The following TTC33 variants were observed in gnomAD, a reference collection of about 807,000 sequenced individuals.
The protein encoded by TTC33 is tetratricopeptide repeat protein 33.
Under a neutral mutation model 29.4 loss-of-function variants are expected in TTC33, and 24 were observed. The observed-to-expected ratio is 0.82, with a 90% CI of 0.59 to 1.15. The LOEUF is 1.15. TTC33 is among the 50% of genes most tolerant of loss of function. TTC33 has a pLI of 0.00. For synonymous variants in TTC33, 107 were observed against 100.3 expected (o/e 1.07, Z -0.40); for missense variants, 286 against 310.4 (o/e 0.92, Z 0.59).
At chr5:40,718,686 C>T (rs7726270) in intron 4 of TTC33, among the ~76,000 whole-genome samples, 48,617 of 151,614 alleles carry the variant, frequency 0.32, 8,246 homozygotes, top group East Asian at 0.56. Context: ...TGCAGTGAGC[C>T]GAGATTGCAC....
At chr5:40,724,540 C>T (rs1054951244) in intron 4 of TTC33, among the ~76,000 whole-genome samples, 2 of 151,490 alleles carry the variant, frequency 1.3e-5, no homozygotes, top group African/African-American at 2.4e-5. Context: ...GGCTGAGGAA[C>T]GAGAATGGCT....
chr5:40,747,121 C>G, intron 1 of TTC33, 102 bp from the exon 2 acceptor site: 1 of 1,018,188 alleles, frequency 9.8e-7, no homozygotes, highest in South Asian at 1.7e-5. Flanking sequence ...TACGATGGCA[C>G]GACCTCGGCT....
intron 4 of TTC33, among the ~76,000 whole-genome samples, chr5:40,716,838 C>CA (rs1399274683): frequency 7.9e-5 from 12 of 152,226 alleles, no homozygotes; most frequent in African/African-American, 2.9e-4. Flanking sequence ...CCCACAATCA[C>CA]AAAGGTACCA....
chr5:40,736,416 A>G (rs898466576), intron 2 of TTC33, among the ~76,000 whole-genome samples: 1 of 152,252 alleles, frequency 6.6e-6, no homozygotes, highest in African/African-American at 2.4e-5. Flanking sequence ...TTCCTGCTTC[A>G]TACACATACA....
intron 2 of TTC33, among the ~76,000 whole-genome samples, chr5:40,738,572 A>AAAATAAAATAAAATAAAAT (rs1561151452): frequency 1.3e-5 from 1 of 76,710 alleles, no homozygotes; most frequent in African/African-American, 5.4e-5. Context: ...TAAAATATAA[A>AAAATAAAATAAAATAAAAT]ATAAAATAAA....
In TTC33 at chr5:40,747,009, A is replaced by T. The variant is rs1554028600; in HGVS notation, c.10T>A (p.Phe4Ile). ...TCACCAATTTTCCTCTTCCACCCAA[A>T]GGAAGCCATTCTGGAAAATTACAAA... is the stretch of plus-strand genomic sequence containing the variant. MAS[F>I]GWKRKIGEKV... Residue 4 changes from phenylalanine (F) to isoleucine (I), a missense_variant, in exon 2 of 5, where the codon TTT (phenylalanine) becomes ATT (isoleucine). By Grantham distance (21) the Phe-to-Ile change is conservative. Coordinates refer to ENST00000337702, the MANE Select transcript of TTC33 (RefSeq NM_012382.3). 6.2e-7 allele frequency: 1 copy of T among 1,607,958 alleles called. No individual in the cohort carries two copies. The highest frequency in any genetic ancestry group is 8.5e-7 in the Non-Finnish European group (1 of 1,178,412).
chr5:40,736,117 A>G (rs1742544627), intron 2 of TTC33, among the ~76,000 whole-genome samples: 1 of 152,218 alleles, frequency 6.6e-6, no homozygotes, highest in African/African-American at 2.4e-5. Context: ...GATGGGGTCT[A>G]GAGTACAAGT....
At chr5:40,725,131 A>G (rs1190300922) in intron 4 of TTC33, among the ~76,000 whole-genome samples, 2 of 151,136 alleles carry the variant, frequency 1.3e-5, no homozygotes, top group Admixed American at 1.3e-4. Flanking sequence ...TACAGGCATG[A>G]GCCACCATGC....
At position 40,749,549 on chromosome 5, in the gene TTC33, G is replaced by C. The variant is rs187723518; in HGVS notation, c.-1-2530C>G. ...GGGCACTGTGGGAGTATGGGAGGGA[G>C]AGAAATGAAATACTGCATAAGTTCG... On this transcript the variant is annotated intron_variant, in intron 1 of 4. Transcript: ENST00000337702. Among the ~76,000 whole-genome samples the C allele has an allele frequency of 8.2e-4, 125 of 152,280 alleles. 2 individuals carry two copies. The highest frequency in any genetic ancestry group is 1.8e-3 in the African/African-American group (74 of 41,546).
intron 1 of TTC33, among the ~76,000 whole-genome samples, chr5:40,752,248 T>C (rs1453157731): frequency 6.6e-6 from 1 of 152,216 alleles, no homozygotes; most frequent in Admixed American, 6.5e-5. Context: ...ATCTAGACCA[T>C]TCAAAGCTTC....
At position 40,748,947 on chromosome 5, in the gene TTC33, C is replaced by A. The variant is rs1045433676; in HGVS notation, c.-1-1928G>T. On this transcript the variant is annotated intron_variant, in intron 1 of 4. Coordinates refer to ENST00000337702, the MANE Select transcript of TTC33 (RefSeq NM_012382.3). Reference sequence around the variant, plus strand: ...GTCAGGAGTTTAAGACCAGCCTGGCCAAACCCCATCTCTACTAAAAATACA... The same window carrying A: ...GTCAGGAGTTTAAGACCAGCCTGGCAAAACCCCATCTCTACTAAAAATACA... Among the ~76,000 whole-genome samples the A allele has an allele frequency of 2.4e-4, 37 of 151,744 alleles. 1 individual carries two copies. The highest frequency in any genetic ancestry group is 8.9e-4 in the African/African-American group (37 of 41,352).
chr5:40,741,696 T>G (rs1472566100), intron 2 of TTC33, among the ~76,000 whole-genome samples: 2 of 152,068 alleles, frequency 1.3e-5, no homozygotes, highest in African/African-American at 4.8e-5. Flanking sequence ...AGGTAGAAAT[T>G]AAGGGAGCTC....
At chr5:40,738,371 T>G (rs891170274) in intron 2 of TTC33, among the ~76,000 whole-genome samples, 1 of 151,160 alleles carries the variant, frequency 6.6e-6, no homozygotes, top group Non-Finnish European at 1.5e-5. Flanking sequence ...GCTGAGATCA[T>G]GCCACTGCAG....
intron 2 of TTC33, among the ~76,000 whole-genome samples, chr5:40,738,499 C>CAATACAATAA (rs1561151183): frequency 2.5e-5 from 2 of 80,856 alleles, no homozygotes; most frequent in African/African-American, 4.9e-5. Context: ...CAATACAATA[C>CAATACAATAA]AATACAATAA....
intron 2 of TTC33, among the ~76,000 whole-genome samples, chr5:40,738,730 T>A (rs1742628423): frequency 6.6e-6 from 1 of 152,150 alleles, no homozygotes; most frequent in Non-Finnish European, 1.5e-5. Flanking sequence ...ATCTTTTCAA[T>A]GTTAGCATTC....
At chr5:40,721,769 C>T (rs1017131764) in intron 4 of TTC33, among the ~76,000 whole-genome samples, 1 of 151,986 alleles carries the variant, frequency 6.6e-6, no homozygotes, top group Non-Finnish European at 1.5e-5. Context: ...ACACCAAAAA[C>T]ATAGGCAACA....
chr5:40,755,014 A>T (rs370808407), intron 1 of TTC33, among the ~76,000 whole-genome samples: 1 of 152,158 alleles, frequency 6.6e-6, no homozygotes, highest in African/African-American at 2.4e-5. Flanking sequence ...ATGAGAGTAA[A>T]CCACAATCCA....
At chr5:40,725,314 A>G (rs1461966237) in intron 4 of TTC33, among the ~76,000 whole-genome samples, 1 of 152,040 alleles carries the variant, frequency 6.6e-6, no homozygotes, top group Admixed American at 6.6e-5. Flanking sequence ...AAAACTCTCA[A>G]TCATCTTCCT....
chr5:40,712,960 G>T lies in TTC33; in HGVS notation c.*3185C>A, dbSNP rs568407328. Among the ~76,000 whole-genome samples the T allele has an allele frequency of 6.6e-6, 1 of 152,058 alleles. No individual in the cohort carries two copies. The highest frequency in any genetic ancestry group is 1.5e-5 in the Non-Finnish European group (1 of 68,014). On this transcript the variant is annotated 3_prime_UTR_variant, in exon 5 of 5. Transcript: ENST00000337702. ...AGTGACTAAGGTAAATGACTTTAGG[G>T]ATAACCTCCTTTATTTCATTTTATT...
Sources: allele counts gnomAD v4.1 joint callset (sites outside exome capture counted in the v4.1 genomes callset), GRCh38; gene constraint gnomAD v4.1.1; transcripts MANE v1.5; gene names NCBI Gene and HGNC (gene_info 2026-07-23, HGNC 2026-07-21).